Variants in PLCG2 observed in about 807,000 individuals in gnomAD.
PLCG2 encodes 1-phosphatidylinositol 4,5-bisphosphate phosphodiesterase gamma-2.
PLCG2 carries 69 observed loss-of-function variants against 175.6 expected under a neutral mutation model. That is an observed-to-expected ratio of 0.39 (90% CI 0.32 to 0.48). The LOEUF is 0.48. PLCG2 is among the 20% of genes least tolerant of loss of function. The pLI, the probability that PLCG2 is intolerant of heterozygous loss-of-function variation, is 0.91. For missense variants in PLCG2, 1,798 were observed against 1,650.9 expected, an observed-to-expected ratio of 1.09 and a Z score of -1.54; for synonymous variants, 827 against 624.0, an observed-to-expected ratio of 1.33 and a Z score of -4.85.
chr16:81,775,774 C>A (rs976528765), upstream of PLCG2, among the ~76,000 whole-genome samples: 4 of 152,160 alleles, frequency 2.6e-5, no homozygotes, highest in Non-Finnish European at 5.9e-5. Flanking sequence ...ATCCACTTCC[C>A]TTTTTCTTTC....
At chr16:81,753,657 C>T (rs1909860245) in intron 1 of PLCG2, among the ~76,000 whole-genome samples, 1 of 152,164 alleles carries the variant, frequency 6.6e-6, no homozygotes, top group Non-Finnish European at 1.5e-5. Context: ...GATCTCCCTG[C>T]CTTGGCCTCC....
At position 81,908,603 on chromosome 16, in the gene PLCG2, G is replaced by C. The variant is rs368899387; in HGVS notation, c.1733+12G>C. The C allele has an allele frequency of 4.9e-5, 79 of 1,597,940 alleles. No individual in the cohort carries two copies. In the African/African-American group the frequency reaches 9.9e-4, roughly 20 times the overall value. ...ACCCTGTCCTTCTGGTAATGCCCCC[G>C]ACCCAGGGAACGCCTACCTTCTTCT... On this transcript the variant is annotated intron_variant, in intron 17 of 32. Coordinates refer to ENST00000564138, the MANE Select transcript of PLCG2 (RefSeq NM_002661.5).
chr16:81,845,848 T>C (rs1239264921), intron 2 of PLCG2, among the ~76,000 whole-genome samples: 3 of 152,240 alleles, frequency 2.0e-5, no homozygotes, highest in African/African-American at 7.2e-5. Flanking sequence ...GAGAGCTGCA[T>C]ATTCTTATGT....
chr16:81,890,106 G>A (rs141465231), intron 10 of PLCG2, among the ~76,000 whole-genome samples: 3 of 152,212 alleles, frequency 2.0e-5, no homozygotes, highest in Non-Finnish European at 2.9e-5. Context: ...CCATGCGAAC[G>A]CCCGAAAAGA....
chr16:81,912,043 C>T lies in PLCG2; in HGVS notation c.1935-554C>T, dbSNP rs552808744. 8.0e-4 allele frequency among the ~76,000 whole-genome samples: 122 copies of T among 152,174 alleles called. 1 individual carries two copies. The highest frequency in any genetic ancestry group is 2.7e-3 in the African/African-American group (111 of 41,524). On this transcript the variant is annotated intron_variant, in intron 18 of 32. Transcript: ENST00000564138. ...CGATCTCCTGACCTCATGATCCACC[C>T]GCCTCAACCTCCCAAAGTGCTGGGA...
chr16:81,919,360 C>G, intron 19 of PLCG2, 124 bp from the exon 20 acceptor site: 1 of 686,554 alleles, frequency 1.5e-6, no homozygotes, highest in Non-Finnish European at 2.6e-6. Context: ...AGGACTATAC[C>G]CTGTTTATTT....
At chr16:81,776,073 T>TTCTC (rs549959626), upstream of PLCG2, among the ~76,000 whole-genome samples, 1,421 of 33,846 alleles carry the variant, frequency 0.042, 251 homozygotes, top group South Asian at 0.16. Context: ...AGTGGTTTCT[T>TTCTC]TCTCTCTCTC....
chr16:81,814,044 A>G (rs1258150831), intron 2 of PLCG2, among the ~76,000 whole-genome samples: 2 of 152,208 alleles, frequency 1.3e-5, no homozygotes, highest in Non-Finnish European at 2.9e-5. Flanking sequence ...TGAGTGATCT[A>G]GAAGGCAGGT....
intron 11 of PLCG2, among the ~76,000 whole-genome samples, chr16:81,891,899 A>G (rs1908655655): frequency 6.6e-6 from 1 of 152,234 alleles, no homozygotes; most frequent in Non-Finnish European, 1.5e-5. Flanking sequence ...CGATTTGGGC[A>G]TCTCACAGTA....
rs112897867 is a variant in PLCG2 at position 81,754,187 on chromosome 16, T to C, written c.-144-1683T>C. Among the ~76,000 whole-genome samples the C allele has an allele frequency of 3.8e-3, 582 of 151,866 alleles. 4 individuals are homozygous for C. The highest frequency in any genetic ancestry group is 0.013 in the African/African-American group (556 of 41,402). The stretch of plus-strand genomic sequence containing the variant: ...CTCCATCTCCGTCTCCACCTCCACC[T>C]GAGTTGAGAGGGGATGGAGAAGCTT... On this transcript the variant is annotated intron_variant, in intron 1 of 5. Coordinates refer to the PLCG2 transcript ENST00000565054.
chr16:81,846,460 A>C (rs1381673321), intron 2 of PLCG2, among the ~76,000 whole-genome samples: 1 of 152,248 alleles, frequency 6.6e-6, no homozygotes, highest in African/African-American at 2.4e-5. Context: ...CCAACCTATG[A>C]TAACATGCAA....
chr16:81,846,223 C>G (rs985221867), intron 2 of PLCG2, among the ~76,000 whole-genome samples: 5 of 58,394 alleles, frequency 8.6e-5, no homozygotes, highest in African/African-American at 1.9e-4. Flanking sequence ...GACTGACTGG[C>G]AGGGAGGACA....
At chr16:81,740,735 A>C (rs1909572755) in intron 1 of PLCG2, 1 of 114,820 alleles carries the variant, frequency 8.7e-6, no homozygotes, top group African/African-American at 3.4e-5. Flanking sequence ...AAAAAAAAAA[A>C]AAAAAAAAAA....
intron 3 of PLCG2, among the ~76,000 whole-genome samples, chr16:81,856,812 A>G (rs923488982): frequency 3.9e-5 from 6 of 152,166 alleles, no homozygotes; most frequent in African/African-American, 1.4e-4. Context: ...TTGAGATGGG[A>G]AATATCCTGG....
At chr16:81,913,886 C>G (rs575670880) in intron 19 of PLCG2, among the ~76,000 whole-genome samples, 1 of 152,134 alleles carries the variant, frequency 6.6e-6, no homozygotes, top group Non-Finnish European at 1.5e-5. Flanking sequence ...CCCTGGGGAC[C>G]GTGGTGACGG....
At chr16:81,946,290 T>C in intron 31 of PLCG2, 27 bp downstream of exon 31, 1 of 1,531,820 alleles carries the variant, frequency 6.5e-7, no homozygotes, top group East Asian at 2.2e-5. Flanking sequence ...CAGTTAAGGG[T>C]TCCCTGAGCT....
chr16:81,944,727 T>G (rs1390396069), intron 30 of PLCG2, among the ~76,000 whole-genome samples: 1 of 152,128 alleles, frequency 6.6e-6, no homozygotes, highest in East Asian at 1.9e-4. Flanking sequence ...CCTCCTGCCT[T>G]GCCCTCCCCA....
chr16:81,883,314 C>G lies in PLCG2; in HGVS notation c.738C>G (p.Phe246Leu), dbSNP rs754812497. 1 of 1,614,006 alleles carries G rather than the reference C, an allele frequency of 6.2e-7. No individual in the cohort carries two copies. The highest frequency in any genetic ancestry group is 8.5e-7 in the Non-Finnish European group (1 of 1,180,006). ...PDASAVYLHD[F>L]QRFLIHEQQE... ...CCTCTGCTGTTTACCTGCATGACTT[C>G]CAGAGGTTTCTCATACATGAACAGC... The change falls in exon 9 of 33, where the codon TTC (phenylalanine) becomes TTG (leucine). Residue 246 changes from phenylalanine to leucine, a missense_variant. Phe to Leu is a conservative substitution (Grantham distance 22). Coordinates refer to ENST00000564138, the MANE Select transcript of PLCG2 (RefSeq NM_002661.5).
At chr16:81,817,480 A>G (rs1017523500) in intron 2 of PLCG2, among the ~76,000 whole-genome samples, 3 of 152,228 alleles carry the variant, frequency 2.0e-5, no homozygotes, top group Non-Finnish European at 4.4e-5. Flanking sequence ...TGCGCAAGGC[A>G]CTAGGGTGGT....
Sources: gnomAD v4.1 joint callset for allele counts (sites outside exome capture counted in the v4.1 genomes callset) on GRCh38, gnomAD v4.1.1 for gene constraint, MANE v1.5 for transcripts, NCBI Gene and HGNC (gene_info 2026-07-23, HGNC 2026-07-21) for gene names.